PLEKHS1: variants seen among roughly 807,000 people sequenced by gnomAD.
The protein encoded by PLEKHS1 is pleckstrin homology domain containing S1, also known as pleckstrin homology domain-containing family S member 1.
PLEKHS1 carries 55 observed loss-of-function variants against 51.0 expected under a neutral mutation model. The observed-to-expected ratio is 1.08, with a 90% CI of 0.87 to 1.35. PLEKHS1 has a LOEUF of 1.35. Among genes scored for constraint, PLEKHS1 ranks in the 40% most tolerant of loss-of-function variants. PLEKHS1 has a pLI of 0.00. For missense variants in PLEKHS1, 398 were observed against 423.0 expected, an observed-to-expected ratio of 0.94 and a Z score of 0.52; for synonymous variants, 153 against 144.8, an observed-to-expected ratio of 1.06 and a Z score of -0.41.
intron 1 of PLEKHS1, among the ~76,000 whole-genome samples, chr10:113,752,245 C>T (rs1017560392): frequency 2.3e-4 from 35 of 152,120 alleles, no homozygotes; most frequent in Admixed American, 2.2e-3. Flanking sequence ...ACCATTTCCT[C>T]GTCTGTAAAT....
chr10:113,774,916 G>A lies in PLEKHS1; in HGVS notation c.870G>A (p.Leu290=), dbSNP rs769165407. ...AGACCCAGGATGGGGACCTCCACCT[G>A]CAAGAACAAGGCTCAGGAATTGATT... Residue 290 remains leucine, a synonymous_variant, in exon 10 of 12, where the codon CTG becomes CTA. Coordinates refer to ENST00000361048, the Ensembl canonical transcript of PLEKHS1. 5.6e-6 allele frequency: 9 copies of A among 1,614,160 alleles called. No homozygotes were observed. The South Asian group carries it at 7.7e-5, about 14-fold the overall frequency.
Position 113,777,134 on chromosome 10 carries a change from T to C in PLEKHS1, c.1091+1268T>C, listed in dbSNP as rs1323041921. ...GTATTCCCACTGCAGTGTGTCTCAG[T>C]GGGAAGGCCCCCCACGTTTGGGATG... On this transcript the variant is annotated intron_variant, in intron 11 of 11. Transcript: ENST00000361048. The C allele has an allele frequency of 4.3e-6, 7 of 1,612,506 alleles. No homozygotes were observed. The South Asian group carries it at 5.5e-5, about 13-fold the overall frequency.
intron 6 of PLEKHS1, 78 bp from the exon 7 acceptor site, chr10:113,769,706 G>A (rs1184453037): frequency 1.1e-6 from 1 of 871,960 alleles, no homozygotes; most frequent in Non-Finnish European, 1.9e-6. Context: ...AGGAGGCAAG[G>A]AGCCCGGTAG....
exon 4 of PLEKHS1, chr10:113,766,638 C>T: frequency 1.9e-6 from 3 of 1,609,942 alleles, no homozygotes; most frequent in South Asian, 2.2e-5. Flanking sequence ...GGTTTTTCAT[C>T]CTGTCAAAGG....
chr10:113,768,192 A>G (rs1436044640), intron 5 of PLEKHS1, among the ~76,000 whole-genome samples: 2 of 152,124 alleles, frequency 1.3e-5, no homozygotes, highest in South Asian at 2.1e-4. Context: ...CTTGCCCCCA[A>G]AGTAGTCTGC....
In PLEKHS1 at chr10:113,775,769, AT is replaced by A. The variant is rs746254282; in HGVS notation, c.995del (p.Ile332ThrfsTer10). 1.9e-6 allele frequency: 3 copies of A among 1,610,644 alleles called. No homozygotes were observed. The highest frequency in any genetic ancestry group is 2.5e-6 in the Non-Finnish European group (3 of 1,177,702). ...TTACAAATGTCTTGTTCATAGTAAT[AT>A]CCCCGATGAAAGCCAAGTGGAGAAA... On this transcript the variant is annotated frameshift_variant, in exon 11 of 12. Transcript: ENST00000361048. LOFTEE classifies it high-confidence loss of function.
intron 1 of PLEKHS1, 67 bp from the exon 2 acceptor site, chr10:113,755,192 C>A (rs111466486): frequency 6.6e-7 from 1 of 1,517,834 alleles, no homozygotes. Context: ...CACTGACCAG[C>A]GGTGGCTGGT....
chr10:113,772,157 T>G, intron 8 of PLEKHS1, 68 bp downstream of exon 8: 2 of 1,553,490 alleles, frequency 1.3e-6, no homozygotes, highest in Non-Finnish European at 1.8e-6. Flanking sequence ...TGCCATGCAC[T>G]TTTCGTGCAA....
intron 2 of PLEKHS1, among the ~76,000 whole-genome samples, chr10:113,755,564 C>T (rs1034832409): frequency 6.6e-6 from 1 of 152,084 alleles, no homozygotes; most frequent in Non-Finnish European, 1.5e-5. Context: ...GCCACCATGC[C>T]TGCCTAATTT....
chr10:113,776,080 T>C (rs1160303256), intron 11 of PLEKHS1, among the ~76,000 whole-genome samples: 1 of 152,074 alleles, frequency 6.6e-6, no homozygotes, highest in African/African-American at 2.4e-5. Context: ...GCAGGGGGAA[T>C]AACAGGACCC....
chr10:113,772,149 C>T lies in PLEKHS1; in HGVS notation c.672+60C>T, dbSNP rs1044191674. The stretch of plus-strand genomic sequence containing the variant: ...TTAACAAATATTTACTGAAACCCTG[C>T]CATGCACTTTTCGTGCAATATTAGG... On this transcript the variant is annotated intron_variant, in intron 8 of 11. Coordinates refer to ENST00000361048, the Ensembl canonical transcript of PLEKHS1. 7.6e-6 allele frequency: 12 copies of T among 1,581,708 alleles called. 1 individual carries two copies. In the Admixed American group the frequency reaches 1.9e-4, roughly 25 times the overall value.
chr10:113,774,971 C>T lies in PLEKHS1; in HGVS notation c.925C>T (p.Gln309Ter). ...TCTTTCCCCTGCCGATGTGGAAGCA[C>T]AGACCACAAATGACCAAAAGGGGTC... Residue 309 changes from glutamine (Q) to a stop codon, truncating the protein, a stop_gained, in exon 10 of 12, where the codon CAG (glutamine) becomes TAG (stop). Transcript: ENST00000361048. LOFTEE classifies it high-confidence loss of function. The T allele has an allele frequency of 6.2e-7, 1 of 1,614,180 alleles. No individual in the cohort carries two copies. The highest frequency in any genetic ancestry group is 8.5e-7 in the Non-Finnish European group (1 of 1,180,038).
chr10:113,769,993 C>A, intron 7 of PLEKHS1, 93 bp downstream of exon 7: 1 of 894,366 alleles, frequency 1.1e-6, no homozygotes, highest in Non-Finnish European at 1.9e-6. Context: ...TTAACCATGC[C>A]CACCTTCCTC....
chr10:113,754,784 G>T (rs1238085598), intron 1 of PLEKHS1, among the ~76,000 whole-genome samples: 1 of 152,116 alleles, frequency 6.6e-6, no homozygotes, highest in African/African-American at 2.4e-5. Flanking sequence ...GTGCCTGGCG[G>T]TCCTTGTTCT....
chr10:113,763,083 G>A (rs865952642), intron 2 of PLEKHS1, among the ~76,000 whole-genome samples: 1 of 152,068 alleles, frequency 6.6e-6, no homozygotes, highest in African/African-American at 2.4e-5. Flanking sequence ...ATTTATTCAT[G>A]CAGTTCTATC....
At position 113,774,088 on chromosome 10, in the gene PLEKHS1, A is replaced by G; in HGVS notation, c.673-139A>G. The stretch of plus-strand genomic sequence containing the variant: ...TCTCGCGGAGGTAAGGTTGGTTGAT[A>G]TTTCTCAAATGAGAACCACGTTCAT... On this transcript the variant is annotated intron_variant, in intron 8 of 11. Coordinates refer to ENST00000361048, the Ensembl canonical transcript of PLEKHS1. 1.1e-5 allele frequency: 6 copies of G among 570,564 alleles called. No homozygotes were observed. The South Asian group carries it at 1.4e-4, about 13-fold the overall frequency. 35.3% of individuals were successfully genotyped at this position (570,564 alleles called of 1,614,324 possible). A position where few individuals can be genotyped will look rare whatever the true frequency, so the allele number is the denominator to read the frequency against.
intron 11 of PLEKHS1, chr10:113,777,487 G>A (rs776532589): frequency 1.3e-5 from 20 of 1,586,476 alleles, no homozygotes; most frequent in Non-Finnish European, 1.7e-5. Flanking sequence ...CTGGGTTCAG[G>A]ACCTCAGATC....
intron 2 of PLEKHS1, among the ~76,000 whole-genome samples, chr10:113,758,537 A>G (rs1843774919): frequency 6.6e-6 from 1 of 152,240 alleles, no homozygotes; most frequent in South Asian, 2.1e-4. Context: ...TTGCACTGAT[A>G]GAGCACAAGT....
chr10:113,780,040 A>C (rs1030029507), intron 11 of PLEKHS1, among the ~76,000 whole-genome samples: 1 of 150,710 alleles, frequency 6.6e-6, no homozygotes, highest in Non-Finnish European at 1.5e-5. Flanking sequence ...AAGAACAGCC[A>C]TTGGCCCTTG....
Sources: gnomAD v4.1 joint callset for allele counts (sites outside exome capture counted in the v4.1 genomes callset) on GRCh38, gnomAD v4.1.1 for gene constraint, MANE v1.5 for transcripts, NCBI Gene and HGNC (gene_info 2026-07-23, HGNC 2026-07-21) for gene names.